Variants in CCDC178 observed in about 807,000 individuals in gnomAD.
The protein encoded by CCDC178 is coiled-coil domain containing 178.
In CCDC178, 126 loss-of-function variants were observed where a neutral mutation model predicts 117.4. The observed-to-expected ratio is 1.07, with a 90% confidence interval of 0.93 to 1.24. The LOEUF is 1.24. Among genes scored for constraint, CCDC178 ranks in the 50% most tolerant of loss-of-function variants. CCDC178 has a pLI of 0.00. For synonymous variants in CCDC178, 283 were observed against 313.4 expected (o/e 0.90, Z 1.02); for missense variants, 1,030 against 986.9 (o/e 1.04, Z -0.59).
intron 18 of CCDC178, among the ~76,000 whole-genome samples, chr18:33,222,229 T>G (rs968802060): frequency 1.3e-5 from 2 of 150,842 alleles, no homozygotes; most frequent in African/African-American, 4.9e-5. Context: ...CCTCCCTTCC[T>G]TTCTTCCTTC....
At chr18:33,222,421 T>A (rs770914594) in intron 18 of CCDC178, among the ~76,000 whole-genome samples, 1 of 152,062 alleles carries the variant, frequency 6.6e-6, no homozygotes, top group Non-Finnish European at 1.5e-5. Flanking sequence ...TAGAAATGTA[T>A]GTCTTAAAGT....
chr18:33,289,748 T>TATTGTGTAA (rs2060144528), intron 12 of CCDC178, among the ~76,000 whole-genome samples: 1 of 152,170 alleles, frequency 6.6e-6, no homozygotes, highest in Non-Finnish European at 1.5e-5. Context: ...AACAAACATT[T>TATTGTGTAA]ATTGTGTAAA....
Position 33,092,865 on chromosome 18 carries a change from C to T in CCDC178, c.2284G>A (p.Glu762Lys). ...SLEENLRLAQ[E>K]YQQLQITFLK... ...AATGTAATCTGTAGCTGTTGATACTCTTGAGCTAAACGCAGATTTTCTTCA... is the reference window on the plus strand; with the variant it reads ...AATGTAATCTGTAGCTGTTGATACTTTTGAGCTAAACGCAGATTTTCTTCA... The change falls in exon 21 of 23, where the codon GAG becomes AAG. Residue 762 changes from glutamate to lysine, a missense_variant. Physicochemically the swap from Glu to Lys is moderately conservative, Grantham distance 56. Coordinates refer to ENST00000383096, the MANE Select transcript of CCDC178 (RefSeq NM_001105528.4). 6.3e-7 allele frequency: 1 copy of T among 1,577,416 alleles called. No individual in the cohort carries two copies. Among genetic ancestry groups the T allele is most frequent in the East Asian group, 2.3e-5 (1 of 43,682 alleles).
intron 21 of CCDC178, among the ~76,000 whole-genome samples, chr18:32,995,707 G>A (rs1050201902): frequency 6.6e-6 from 1 of 151,974 alleles, no homozygotes; most frequent in Non-Finnish European, 1.5e-5. Context: ...TATTAGACTT[G>A]CGCCATTCTA....
At chr18:33,067,056 T>C (rs1456550542) in intron 21 of CCDC178, among the ~76,000 whole-genome samples, 1 of 152,242 alleles carries the variant, frequency 6.6e-6, no homozygotes, top group Non-Finnish European at 1.5e-5. Flanking sequence ...ATACACATTC[T>C]TCTCACCAGT....
At chr18:33,095,268 G>T (rs1443309424) in intron 20 of CCDC178, among the ~76,000 whole-genome samples, 13 of 151,762 alleles carry the variant, frequency 8.6e-5, no homozygotes, top group Admixed American at 7.2e-4. Context: ...TATTAAGATG[G>T]TAAAACATTA....
At position 33,266,968 on chromosome 18, in the gene CCDC178, T is replaced by C; in HGVS notation, c.1357A>G (p.Asn453Asp). 1 of 1,596,832 alleles carries C rather than the reference T, an allele frequency of 6.3e-7. No individual in the cohort carries two copies. Residue 453 changes from asparagine (N) to aspartate (D), a missense_variant, in exon 14 of 23, where the codon AAT becomes GAT. Asn to Asp is a conservative substitution (Grantham distance 23). Coordinates refer to ENST00000383096, the MANE Select transcript of CCDC178 (RefSeq NM_001105528.4). ...SLACTKLTED[N>D]KKLEIDINKI... The stretch of plus-strand genomic sequence containing the variant: ...TTAATATCAATCTCAAGTTTTTTAT[T>C]GTCTTCCGTCAGTTTTGTACATGCC...
At chr18:33,400,525 A>G (rs1298454767) in intron 3 of CCDC178, among the ~76,000 whole-genome samples, 1 of 152,140 alleles carries the variant, frequency 6.6e-6, no homozygotes, top group African/African-American at 2.4e-5. Flanking sequence ...CTTTCATGCT[A>G]TGGAGATGAC....
At chr18:33,275,040 T>C (rs775778441) in intron 12 of CCDC178, among the ~76,000 whole-genome samples, 10 of 152,070 alleles carry the variant, frequency 6.6e-5, no homozygotes, top group Non-Finnish European at 1.3e-4. Context: ...TTGGAATATC[T>C]AAAATCAAAT....
At chr18:33,306,412 T>TTGTGTGTGTGTGTGTGTGTGTG (rs71159815) in intron 11 of CCDC178, among the ~76,000 whole-genome samples, 1 of 126,252 alleles carries the variant, frequency 7.9e-6, no homozygotes, top group Non-Finnish European at 1.6e-5. Flanking sequence ...TATTGGATCT[T>TTGTGTGTGTGTGTGTGTGTGTG]TGTGTGTGTG....
intron 11 of CCDC178, among the ~76,000 whole-genome samples, chr18:33,293,793 T>A (rs1352052968): frequency 6.6e-6 from 1 of 152,064 alleles, no homozygotes; most frequent in Non-Finnish European, 1.5e-5. Flanking sequence ...AGATGTTAAG[T>A]AAATAGTGAG....
chr18:32,982,134 G>C (rs554772501), intron 21 of CCDC178, among the ~76,000 whole-genome samples: 52 of 151,894 alleles, frequency 3.4e-4, no homozygotes, highest in Non-Finnish European at 5.2e-4. Flanking sequence ...AACACACTTT[G>C]GATAAAATTA....
At chr18:33,215,497 A>T in intron 19 of CCDC178, 53 bp downstream of exon 19, 1 of 965,096 alleles carries the variant, frequency 1.0e-6, no homozygotes, top group Non-Finnish European at 1.4e-6. Context: ...ATTTGATCTT[A>T]TTTATTAATA....
intron 3 of CCDC178, among the ~76,000 whole-genome samples, chr18:33,409,016 A>G (rs917027210): frequency 1.2e-4 from 19 of 152,234 alleles, no homozygotes; most frequent in African/African-American, 4.6e-4. Context: ...TTTACAGAAC[A>G]ATTTGAAAAA....
intron 21 of CCDC178, among the ~76,000 whole-genome samples, chr18:33,005,169 G>A (rs1391084427): frequency 6.6e-6 from 1 of 152,098 alleles, no homozygotes; most frequent in Admixed American, 6.5e-5. Flanking sequence ...GCACTCTCAT[G>A]TTTACTGCAG....
At chr18:33,275,880 T>C (rs1485332995) in intron 12 of CCDC178, among the ~76,000 whole-genome samples, 3 of 151,952 alleles carry the variant, frequency 2.0e-5, no homozygotes, top group Non-Finnish European at 4.4e-5. Flanking sequence ...GTTCCTAGTA[T>C]GTAATATTTG....
intron 12 of CCDC178, among the ~76,000 whole-genome samples, chr18:33,267,542 A>G (rs970894730): frequency 1.3e-5 from 2 of 151,794 alleles, no homozygotes; most frequent in African/African-American, 4.8e-5. Context: ...ATCTTAAAAA[A>G]ACTAGTACAA....
chr18:33,240,437 C>T (rs1033210368), intron 15 of CCDC178, among the ~76,000 whole-genome samples: 4 of 150,882 alleles, frequency 2.7e-5, no homozygotes, highest in African/African-American at 9.7e-5. Context: ...AACAAAAAGT[C>T]GATGTTTTGA....
chr18:33,256,404 T>G (rs2059680637), intron 14 of CCDC178, among the ~76,000 whole-genome samples: 1 of 152,044 alleles, frequency 6.6e-6, no homozygotes, highest in African/African-American at 2.4e-5. Context: ...ACCTTAGTCT[T>G]GAACAAAAAG....
Sources: allele counts gnomAD v4.1 joint callset (sites outside exome capture counted in the v4.1 genomes callset), GRCh38; gene constraint gnomAD v4.1.1; transcripts MANE v1.5; gene names NCBI Gene and HGNC (gene_info 2026-07-23, HGNC 2026-07-21).